The following XPO4 variants were observed in gnomAD, a reference collection of about 807,000 sequenced individuals.
XPO4 encodes the protein exportin-4.
Under a neutral mutation model 143.0 loss-of-function variants are expected in XPO4, and 39 were observed. The observed-to-expected ratio is 0.27, with a 90% CI of 0.21 to 0.36. XPO4 has a LOEUF of 0.36. XPO4 is among the 10% of genes least tolerant of loss of function. The probability of loss-of-function intolerance (pLI) is 1.00; values close to 1 mark genes in which losing one functional copy is unlikely to be tolerated. For missense variants in XPO4, 907 were observed against 1,348.0 expected (o/e 0.67, Z 5.12); for synonymous variants, 439 against 474.0 (o/e 0.93, Z 0.96).
At chr13:20,811,448 C>T (rs925402994) in intron 9 of XPO4, among the ~76,000 whole-genome samples, 1 of 151,778 alleles carries the variant, frequency 6.6e-6, no homozygotes, top group Non-Finnish European at 1.5e-5. Flanking sequence ...CCATCATGCC[C>T]AGCTAATGTT....
At chr13:20,849,345 A>G (rs540972169) in intron 4 of XPO4, 2 of 985,350 alleles carry the variant, frequency 2.0e-6, no homozygotes, top group African/African-American at 3.5e-5. Flanking sequence ...TCTCTCTAGT[A>G]TGGCAAAGAG....
intron 1 of XPO4, among the ~76,000 whole-genome samples, chr13:20,891,440 C>G (rs1025908788): frequency 6.6e-6 from 1 of 152,218 alleles, no homozygotes; most frequent in Non-Finnish European, 1.5e-5. Flanking sequence ...TAGCAGCTAA[C>G]ATTTACAGAG....
intron 21 of XPO4, among the ~76,000 whole-genome samples, 158 bp downstream of exon 21, chr13:20,787,323 T>G (rs1415192891): frequency 6.6e-6 from 1 of 152,196 alleles, no homozygotes; most frequent in African/African-American, 2.4e-5. Flanking sequence ...AATGTGTCCA[T>G]GAAGAGCTGA....
At chr13:20,861,036 T>C (rs1222380262) in intron 3 of XPO4, among the ~76,000 whole-genome samples, 1 of 152,070 alleles carries the variant, frequency 6.6e-6, no homozygotes, top group African/African-American at 2.4e-5. Context: ...CAGAAACAAA[T>C]GCATGACAGT....
intron 1 of XPO4, among the ~76,000 whole-genome samples, chr13:20,901,562 T>A (rs2060621026): frequency 6.6e-6 from 1 of 152,130 alleles, no homozygotes; most frequent in Admixed American, 6.6e-5. Context: ...AAAACGTACA[T>A]TAAGTTAATA....
intron 3 of XPO4, among the ~76,000 whole-genome samples, chr13:20,860,378 G>A (rs2060185848): frequency 6.6e-6 from 1 of 152,122 alleles, no homozygotes; most frequent in Non-Finnish European, 1.5e-5. Context: ...CTCAACTTGT[G>A]TTCAACAACA....
chr13:20,868,168 T>TA lies in XPO4; in HGVS notation c.175+427dup, dbSNP rs148953281. Among the ~76,000 whole-genome samples the TA allele has an allele frequency of 5.9e-3, 842 of 141,564 alleles. 6 individuals are homozygous for TA. Among genetic ancestry groups the TA allele is most frequent in the South Asian group, 0.02 (93 of 4,552 alleles). 92.9% of individuals were successfully genotyped at this position (141,564 alleles called of 152,430 possible). A position where few individuals can be genotyped will look rare whatever the true frequency, so the allele number is the denominator to read the frequency against. The stretch of plus-strand genomic sequence containing the variant: ...GCAAGCTGAGTACAAACTAAATGGT[T>TA]AAAAAAAAAAAAAACTATGGAAAAC... On this transcript the variant is annotated intron_variant, in intron 2 of 22. Coordinates refer to ENST00000255305, the MANE Select transcript of XPO4 (RefSeq NM_022459.5).
intron 13 of XPO4, among the ~76,000 whole-genome samples, chr13:20,805,740 G>C (rs2059496380): frequency 6.6e-6 from 1 of 152,200 alleles, no homozygotes; most frequent in African/African-American, 2.4e-5. Flanking sequence ...TAAAAGAGAA[G>C]TGACTTCTAT....
In XPO4 at chr13:20,865,115, T is replaced by A. The variant is rs149591807; in HGVS notation, c.176-2257A>T. Among the ~76,000 whole-genome samples the A allele has an allele frequency of 1.4e-3, 214 of 151,178 alleles. 1 individual carries two copies. Among genetic ancestry groups the A allele is most frequent in the African/African-American group, 5.1e-3 (212 of 41,204 alleles). On this transcript the variant is annotated intron_variant, in intron 2 of 22. Coordinates refer to ENST00000255305, the MANE Select transcript of XPO4 (RefSeq NM_022459.5). ...GATGCCTGAAACTACAGGGTTTTCA[T>A]GAAGAACTCACAATTCATCTAGCAT... is the stretch of plus-strand genomic sequence containing the variant.
chr13:20,807,592 A>T lies in XPO4; in HGVS notation c.1682T>A (p.Ile561Lys). 1 of 1,611,846 alleles carries T rather than the reference A, an allele frequency of 6.2e-7. No homozygotes were observed. The highest frequency in any genetic ancestry group is 8.5e-7 in the Non-Finnish European group (1 of 1,179,500). Residue 561 changes from isoleucine to lysine, a missense_variant, in exon 13 of 23, where the codon ATA becomes AAA. By Grantham distance (102) the Ile-to-Lys change is moderately radical. Transcript: ENST00000255305. ...ADDTQGETPL[I>K]PPEIMEYSIK... Reference sequence around the variant, plus strand: ...GGAATATTCCATTATTTCTGGAGGTATTAGCGGAGTCTCTCCCTGAGTATC... The same window carrying T: ...GGAATATTCCATTATTTCTGGAGGTTTTAGCGGAGTCTCTCCCTGAGTATC...
chr13:20,801,349 T>A (rs191120243), intron 13 of XPO4, among the ~76,000 whole-genome samples: 45 of 152,362 alleles, frequency 3.0e-4, no homozygotes, highest in African/African-American at 8.4e-4. Flanking sequence ...CCAAACTCTT[T>A]TAGCATGTAC....
intron 9 of XPO4, among the ~76,000 whole-genome samples, chr13:20,821,257 T>C (rs1189943612): frequency 6.6e-6 from 1 of 151,620 alleles, no homozygotes; most frequent in African/African-American, 2.4e-5. Flanking sequence ...TTCAATGATT[T>C]GAACCAAATT....
intron 4 of XPO4, among the ~76,000 whole-genome samples, chr13:20,845,073 C>A (rs1245335035): frequency 2.0e-5 from 3 of 152,094 alleles, no homozygotes; most frequent in East Asian, 3.9e-4. Flanking sequence ...CTTGGGACAC[C>A]AAGGCAGGAG....
intron 9 of XPO4, among the ~76,000 whole-genome samples, chr13:20,815,553 G>T (rs1243909493): frequency 1.3e-5 from 2 of 152,092 alleles, no homozygotes; most frequent in Admixed American, 1.3e-4. Flanking sequence ...TCATGCTAAG[G>T]TAGTTAGTTT....
intron 9 of XPO4, among the ~76,000 whole-genome samples, chr13:20,812,125 C>A (rs763549264): frequency 4.2e-4 from 64 of 152,198 alleles, no homozygotes; most frequent in Middle Eastern, 6.8e-3. Flanking sequence ...AATCCCAATA[C>A]TTTGGGAGGC....
At chr13:20,846,701 T>C (rs187595671) in intron 4 of XPO4, among the ~76,000 whole-genome samples, 37 of 152,270 alleles carry the variant, frequency 2.4e-4, no homozygotes, top group African/African-American at 7.9e-4. Flanking sequence ...GAAAATAAAA[T>C]TGTCTACAAT....
intron 3 of XPO4, among the ~76,000 whole-genome samples, chr13:20,858,112 T>C (rs1480300849): frequency 6.6e-6 from 1 of 151,906 alleles, no homozygotes; most frequent in East Asian, 1.9e-4. Flanking sequence ...TTATTCTAGA[T>C]TAAAAGAGAC....
In XPO4 at chr13:20,848,464, G is replaced by A. The variant is rs912415885; in HGVS notation, c.457-4578C>T. The A allele has an allele frequency of 3.0e-6, 3 of 985,218 alleles. No homozygotes were observed. In the African/African-American group the frequency reaches 5.2e-5, roughly 17 times the overall value. 61.0% of individuals were successfully genotyped at this position (985,218 alleles called of 1,614,324 possible). ...GCATAATTGTCCTAAGGCTCAAATT[G>A]CATAATGCTTAAAAATACCATGTAA... On this transcript the variant is annotated intron_variant, in intron 4 of 22. Transcript: ENST00000255305.
intron 6 of XPO4, among the ~76,000 whole-genome samples, chr13:20,832,052 A>T (rs572536362): frequency 1.3e-5 from 2 of 152,168 alleles, no homozygotes; most frequent in East Asian, 3.9e-4. Flanking sequence ...CTAGCTCTAA[A>T]ATTCTCCACT....
Sources: allele counts gnomAD v4.1 joint callset (sites outside exome capture counted in the v4.1 genomes callset), GRCh38; gene constraint gnomAD v4.1.1; transcripts MANE v1.5; gene names NCBI Gene and HGNC (gene_info 2026-07-23, HGNC 2026-07-21).